GRAMD4: variants seen among roughly 807,000 people sequenced by gnomAD.
GRAMD4 encodes the protein GRAM domain containing 4.
GRAMD4 carries 25 observed loss-of-function variants against 83.9 expected under a neutral mutation model. The observed-to-expected ratio is 0.30, with a 90% CI of 0.22 to 0.42. GRAMD4 has a LOEUF of 0.42. Ranked by LOEUF, GRAMD4 falls within the 10% of genes least tolerant of loss-of-function variation. The pLI is 1.00. For synonymous variants in GRAMD4, 336 were observed against 320.9 expected, an observed-to-expected ratio of 1.05 and a Z score of -0.50; for missense variants, 593 against 788.7, an observed-to-expected ratio of 0.75 and a Z score of 2.97.
At chr22:46,624,912 G>C (rs1448026712) in intron 1 of GRAMD4, among the ~76,000 whole-genome samples, 1 of 148,816 alleles carries the variant, frequency 6.7e-6, no homozygotes, top group Non-Finnish European at 1.5e-5. Flanking sequence ...CCAGGCTGGA[G>C]TGCAGTGGCG....
At chr22:46,637,768 T>C in intron 2 of GRAMD4, 72 bp from the exon 3 acceptor site, 1 of 1,563,104 alleles carries the variant, frequency 6.4e-7, no homozygotes, top group African/African-American at 1.4e-5. Context: ...TGGGCACCTC[T>C]GGGGGAACTG....
At chr22:46,582,701 G>A (rs1456942359) in intron 1 of GRAMD4, among the ~76,000 whole-genome samples, 2 of 152,182 alleles carry the variant, frequency 1.3e-5, no homozygotes, top group Non-Finnish European at 2.9e-5. Context: ...TCTTGGTGTT[G>A]ACCTTGGCCA....
At chr22:46,635,726 G>A (rs867497493) in intron 2 of GRAMD4, among the ~76,000 whole-genome samples, 115 of 110,524 alleles carry the variant, frequency 1.0e-3, no homozygotes, top group African/African-American at 2.3e-3. Context: ...CTCCTGTCCT[G>A]GGGGCCCGTG....
Position 46,664,899 on chromosome 22 carries a change from A to C in GRAMD4, c.718-716A>C, listed in dbSNP as rs1436657705. Among the ~76,000 whole-genome samples, 4 of 152,322 alleles carry C rather than the reference A, an allele frequency of 2.6e-5. No individual in the cohort carries two copies. In the East Asian group the frequency reaches 7.7e-4, roughly 29 times the overall value. On this transcript the variant is annotated intron_variant, in intron 8 of 18. Coordinates refer to ENST00000406902, the MANE Select transcript of GRAMD4 (RefSeq NM_015124.5). ...GTCAGGCTCTCCAGGAAAGTCCCTG[A>C]AGCCTGTGGCCCTGTGCCTGCTGCG...
chr22:46,593,239 G>C (rs150882033), intron 1 of GRAMD4, among the ~76,000 whole-genome samples: 49 of 152,194 alleles, frequency 3.2e-4, no homozygotes, highest in African/African-American at 1.1e-3. Flanking sequence ...GAGGCCTGAT[G>C]AACCATCACG....
chr22:46,610,937 G>A (rs755866144), intron 1 of GRAMD4, among the ~76,000 whole-genome samples: 2 of 152,148 alleles, frequency 1.3e-5, no homozygotes, highest in African/African-American at 4.8e-5. Flanking sequence ...TTTGCAGGCC[G>A]GGAGTGGTGG....
intron 10 of GRAMD4, 71 bp from the exon 11 acceptor site, chr22:46,668,025 C>T (rs2082436582): frequency 9.0e-7 from 1 of 1,106,082 alleles, no homozygotes; most frequent in South Asian, 1.3e-5. Flanking sequence ...GAGGGCTCCA[C>T]ACTGTTTTGT....
chr22:46,625,363 G>A (rs2081641943), intron 1 of GRAMD4, among the ~76,000 whole-genome samples: 1 of 152,204 alleles, frequency 6.6e-6, no homozygotes. Flanking sequence ...GGAGGCTTTG[G>A]GGGCGGGGCA....
At chr22:46,633,058 C>T (rs531985460) in intron 2 of GRAMD4, among the ~76,000 whole-genome samples, 2 of 152,286 alleles carry the variant, frequency 1.3e-5, no homozygotes, top group Admixed American at 1.3e-4. Context: ...CAGATGGGAG[C>T]CTCCAAGCTC....
At chr22:46,587,241 G>A (rs1025773722) in intron 1 of GRAMD4, among the ~76,000 whole-genome samples, 10 of 152,170 alleles carry the variant, frequency 6.6e-5, no homozygotes, top group African/African-American at 1.7e-4. Context: ...CCAGTGATCT[G>A]GGGCTCCGGA....
chr22:46,592,054 G>A (rs1415429369), intron 1 of GRAMD4, among the ~76,000 whole-genome samples: 3 of 151,996 alleles, frequency 2.0e-5, no homozygotes, highest in Non-Finnish European at 2.9e-5. Flanking sequence ...AGGGCATCAC[G>A]GCACATTCCA....
rs3747255 is a variant in GRAMD4 at position 46,678,384 on chromosome 22, G to A, written c.*1133G>A. ...CCGCGTGCCTAGCCGGTGCCGGTCC[G>A]GGCACAGACCCCCCCAGCCCCCGCC... On this transcript the variant is annotated 3_prime_UTR_variant, in exon 19 of 19. Transcript: ENST00000406902. 258,447 of 983,696 alleles carry A rather than the reference G, an allele frequency of 0.26. 35,764 individuals carry two copies. The highest frequency in any genetic ancestry group is 0.37 in the East Asian group (3,248 of 8,752). The allele number at this position is 983,696 out of a possible 1,614,324, so 60.9% of individuals were successfully genotyped here.
At chr22:46,586,794 G>C (rs1489781980) in intron 1 of GRAMD4, among the ~76,000 whole-genome samples, 3 of 152,184 alleles carry the variant, frequency 2.0e-5, no homozygotes, top group Non-Finnish European at 4.4e-5. Context: ...ACAGCCTGCA[G>C]GGTCCTCTGT....
intron 13 of GRAMD4, among the ~76,000 whole-genome samples, chr22:46,670,008 G>C (rs1237381037): frequency 6.6e-6 from 1 of 152,258 alleles, no homozygotes; most frequent in Non-Finnish European, 1.5e-5. Flanking sequence ...TCCTGTCCTT[G>C]AGGGGCAGGT....
At chr22:46,658,427 G>A in intron 4 of GRAMD4, 120 bp downstream of exon 4, 1 of 1,040,692 alleles carries the variant, frequency 9.6e-7, no homozygotes, top group Non-Finnish European at 1.4e-6. Context: ...TGGCCCTGGA[G>A]AGGCCTGAGT....
chr22:46,587,806 A>G, intron 1 of GRAMD4: 3 of 631,134 alleles, frequency 4.8e-6, no homozygotes, highest in Non-Finnish European at 5.9e-6. Context: ...CCTGCCTAAC[A>G]GTGGAGGTGG....
At chr22:46,607,906 G>C (rs923662969) in intron 1 of GRAMD4, among the ~76,000 whole-genome samples, 3 of 152,158 alleles carry the variant, frequency 2.0e-5, no homozygotes, top group Admixed American at 6.5e-5. Flanking sequence ...TGCCGCGACT[G>C]CTCCTCTGAG....
At position 46,589,590 on chromosome 22, in the gene GRAMD4, C is replaced by T. The variant is rs184064507; in HGVS notation, c.-50+12300C>T. Among the ~76,000 whole-genome samples the T allele has an allele frequency of 1.1e-4, 17 of 152,248 alleles. 1 individual carries two copies. Among genetic ancestry groups the T allele is most frequent in the Non-Finnish European group, 1.9e-4 (13 of 67,988 alleles). On this transcript the variant is annotated intron_variant, in intron 1 of 1. Transcript: ENST00000431155. ...AGTGACCCTGGAAGGGCCCATGCTG[C>T]CCCTGCTTTGCAGGTGAGTAAGCGG...
At chr22:46,650,571 G>A (rs1021157195) in intron 3 of GRAMD4, among the ~76,000 whole-genome samples, 14 of 152,242 alleles carry the variant, frequency 9.2e-5, no homozygotes, top group Admixed American at 5.2e-4. Context: ...GGGTTGCCCC[G>A]GAGTGACCAG....
Sources: gnomAD v4.1 joint callset for allele counts (sites outside exome capture counted in the v4.1 genomes callset) on GRCh38, gnomAD v4.1.1 for gene constraint, MANE v1.5 for transcripts, NCBI Gene and HGNC (gene_info 2026-07-23, HGNC 2026-07-21) for gene names.